ACTN4: variants seen among roughly 807,000 people sequenced by gnomAD.
ACTN4 encodes alpha-actinin-4.
Under a neutral mutation model 114.2 loss-of-function variants are expected in ACTN4, and 18 were observed. That is an observed-to-expected ratio of 0.16 (90% CI 0.11 to 0.23). The LOEUF (loss-of-function observed/expected upper bound fraction) is 0.23, where lower values mean the gene tolerates loss of function less well. Among genes scored for constraint, ACTN4 ranks in the 10% least tolerant of loss-of-function variants. ACTN4 has a pLI of 1.00. For missense variants in ACTN4, 722 were observed against 1,262.9 expected (o/e 0.57, Z 6.49); for synonymous variants, 515 against 506.3 (o/e 1.02, Z -0.23).
chr19:38,662,708 C>T (rs940138228), intron 1 of ACTN4, among the ~76,000 whole-genome samples: 1 of 152,184 alleles, frequency 6.6e-6, no homozygotes, highest in Admixed American at 6.5e-5. Context: ...TGGGACACAG[C>T]TGTAAGTTTC....
chr19:38,666,064 G>A (rs1230187883), intron 1 of ACTN4, among the ~76,000 whole-genome samples: 1 of 152,106 alleles, frequency 6.6e-6, no homozygotes, highest in Admixed American at 6.5e-5. Context: ...GACCTGGAAC[G>A]TGGGACTTTC....
chr19:38,715,299 C>T (rs1599843542), intron 9 of ACTN4, among the ~76,000 whole-genome samples: 1 of 152,172 alleles, frequency 6.6e-6, no homozygotes, highest in Admixed American at 6.5e-5. Flanking sequence ...GAGTTCAAAA[C>T]CAGCCTGGCC....
intron 11 of ACTN4, among the ~76,000 whole-genome samples, chr19:38,719,654 A>G (rs574494648): frequency 1.6e-4 from 25 of 152,350 alleles, no homozygotes; most frequent in Admixed American, 1.6e-3. Context: ...CCATTCCCGG[A>G]TTCACTCATT....
rs1264586395 is a variant in ACTN4 at position 38,673,476 on chromosome 19, TA to T, written c.162+25570del. Among the ~76,000 whole-genome samples, 41 of 50,774 alleles carry T rather than the reference TA, an allele frequency of 8.1e-4. 2 individuals are homozygous for T. The highest frequency in any genetic ancestry group is 4.6e-3 in the East Asian group (5 of 1,086). 33.3% of individuals were successfully genotyped at this position (50,774 alleles called of 152,430 possible). ...ATATTCATATATATTTATATATATTTATATATATATTCATATATATTTATAT... is the reference window on the plus strand; with the variant it reads ...ATATTCATATATATTTATATATATTTTATATATATTCATATATATTTATAT... On this transcript the variant is annotated intron_variant, in intron 1 of 20. Transcript: ENST00000252699.
intron 1 of ACTN4, among the ~76,000 whole-genome samples, chr19:38,658,890 CAGAA>C (rs1307181090): frequency 6.6e-6 from 1 of 151,844 alleles, no homozygotes; most frequent in Non-Finnish European, 1.5e-5. Context: ...CTGTGTAAAA[CAGAA>C]AGGGCTGTCT....
At chr19:38,721,486 C>T (rs1169683577) in intron 11 of ACTN4, 52 bp from the exon 12 acceptor site, 36 of 1,610,616 alleles carry the variant, frequency 2.2e-5, no homozygotes, top group Non-Finnish European at 2.9e-5. Flanking sequence ...CCTCCAGACT[C>T]CTGCCCCACA....
At chr19:38,707,971 C>G (rs1283701472) in intron 5 of ACTN4, 146 bp from the exon 6 acceptor site, 4 of 835,966 alleles carry the variant, frequency 4.8e-6, no homozygotes, top group Non-Finnish European at 8.1e-6. Flanking sequence ...CTTGCAGCCT[C>G]TCTGCCACAC....
In ACTN4 at chr19:38,673,567, T is replaced by TTATA. The variant is rs543881909; in HGVS notation, c.162+25666_162+25669dup. 4.2e-5 allele frequency among the ~76,000 whole-genome samples: 4 copies of TTATA among 94,142 alleles called. 1 individual carries two copies. The highest frequency in any genetic ancestry group is 1.6e-4 in the African/African-American group (4 of 24,432). The allele number at this position is 94,142 out of a possible 152,430, so 61.8% of individuals were successfully genotyped here. On this transcript the variant is annotated intron_variant, in intron 1 of 20. Coordinates refer to ENST00000252699, the MANE Select transcript of ACTN4 (RefSeq NM_004924.6). ...TATATTTATATATACTTATATATATTTATATATATTCATATATATTTATAT... is the reference window on the plus strand; with the variant it reads ...TATATTTATATATACTTATATATATTTATATATATATATTCATATATATTTATAT...
intron 2 of ACTN4, 66 bp from the exon 3 acceptor site, chr19:38,700,936 C>G (rs1489321948): frequency 1.3e-6 from 2 of 1,596,900 alleles, no homozygotes; most frequent in African/African-American, 2.7e-5. Flanking sequence ...GCCTCTCTCC[C>G]TCTCGCCCTC....
At position 38,729,487 on chromosome 19, in the gene ACTN4, G is replaced by GC; in HGVS notation, c.*59dup. On this transcript the variant is annotated 3_prime_UTR_variant, in exon 21 of 21. Transcript: ENST00000252699. ...ACGGCCTCCAGGAGGGGCCTGGGCA[G>GC]CCCCACAGTCCCATTCCTCCACTCT... is the stretch of plus-strand genomic sequence containing the variant. 1 of 1,379,692 alleles carries GC rather than the reference G, an allele frequency of 7.2e-7. No homozygotes were observed. Among genetic ancestry groups the GC allele is most frequent in the African/African-American group, 1.7e-5 (1 of 60,006 alleles). The allele number at this position is 1,379,692 out of a possible 1,614,324, so 85.5% of individuals were successfully genotyped here.
At position 38,731,119 on chromosome 19, in the gene ACTN4, T is replaced by G. The variant is rs779096128; in HGVS notation, c.*1687T>G. On this transcript the variant is annotated 3_prime_UTR_variant, in exon 21 of 21. Transcript: ENST00000252699. ...GGGTGGTACTCACAGAAGATGCAGGTGAGGTGGGCCACACAGGACACGAAC... is the reference window on the plus strand; with the variant it reads ...GGGTGGTACTCACAGAAGATGCAGGGGAGGTGGGCCACACAGGACACGAAC... The G allele has an allele frequency of 6.8e-6, 11 of 1,611,280 alleles. No individual in the cohort carries two copies. The South Asian group carries it at 1.1e-4, about 16-fold the overall frequency.
chr19:38,659,068 T>TTTTTTTTTTTTTTTTTTTTTTTC (rs1976799325), intron 1 of ACTN4, among the ~76,000 whole-genome samples: 1 of 140,228 alleles, frequency 7.1e-6, no homozygotes, highest in Non-Finnish European at 1.6e-5. Flanking sequence ...TTCTTTTCTT[T>TTTTTTTTTTTTTTTTTTTTTTTC]TTTTTTTTTT....
chr19:38,726,861 C>T (rs1969248970), intron 17 of ACTN4, 96 bp from the exon 18 acceptor site: 1 of 1,556,096 alleles, frequency 6.4e-7, no homozygotes. Context: ...GGGCTTTCCC[C>T]AGGGCGGGAG....
intron 1 of ACTN4, among the ~76,000 whole-genome samples, chr19:38,696,569 A>G (rs1232533765): frequency 6.6e-6 from 1 of 152,118 alleles, no homozygotes; most frequent in Admixed American, 6.5e-5. Context: ...TCCAGCTCCT[A>G]CTCACCAGTC....
At chr19:38,728,112 C>A in intron 19 of ACTN4, 86 bp downstream of exon 19, 2 of 1,475,080 alleles carry the variant, frequency 1.4e-6, no homozygotes, top group Non-Finnish European at 1.9e-6. Flanking sequence ...CGCCATCCCA[C>A]CCCTGCCATC....
chr19:38,710,216 C>A (rs377386437), intron 7 of ACTN4, 41 bp from the exon 8 acceptor site: 1 of 1,605,840 alleles, frequency 6.2e-7, no homozygotes, highest in Non-Finnish European at 8.5e-7. Context: ...CTCCACCCCC[C>A]GCCCTACTCG....
At chr19:38,688,467 A>G (rs1385953863) in intron 1 of ACTN4, among the ~76,000 whole-genome samples, 1 of 146,784 alleles carries the variant, frequency 6.8e-6, no homozygotes, top group Non-Finnish European at 1.5e-5. Context: ...GCTAGTGGGG[A>G]GGCTGAGGTG....
At chr19:38,713,744 G>A (rs932941887) in intron 8 of ACTN4, among the ~76,000 whole-genome samples, 10 of 152,102 alleles carry the variant, frequency 6.6e-5, no homozygotes, top group South Asian at 2.1e-4. Context: ...TTCTGTTGCC[G>A]TTTCAACTCC....
Position 38,729,503 on chromosome 19 carries a change from C to T in ACTN4, c.*71C>T. On this transcript the variant is annotated 3_prime_UTR_variant, in exon 21 of 21. Coordinates refer to ENST00000252699, the MANE Select transcript of ACTN4 (RefSeq NM_004924.6). ...GCCTGGGCAGCCCCACAGTCCCATT[C>T]CTCCACTCTGTATCTATGCAAAGCA... 3 of 1,488,370 alleles carry T rather than the reference C, an allele frequency of 2.0e-6. No homozygotes were observed. The highest frequency in any genetic ancestry group is 5.3e-5 in the East Asian group (2 of 37,660). 92.2% of individuals were successfully genotyped at this position (1,488,370 alleles called of 1,614,324 possible).
Sources: allele counts gnomAD v4.1 joint callset (sites outside exome capture counted in the v4.1 genomes callset), GRCh38; gene constraint gnomAD v4.1.1; transcripts MANE v1.5; gene names NCBI Gene and HGNC (gene_info 2026-07-23, HGNC 2026-07-21).